The following CUL2 variants were observed in gnomAD, a reference collection of about 807,000 sequenced individuals.
CUL2 encodes the protein cullin 2.
A neutral mutation model predicts 110.2 loss-of-function variants in CUL2; 22 were observed. That is an observed-to-expected ratio of 0.20 (90% CI 0.14 to 0.28). CUL2 has a LOEUF of 0.28. CUL2 is among the 10% of genes least tolerant of loss of function. CUL2 has a pLI of 1.00. For synonymous variants in CUL2, 279 were observed against 293.2 expected, an observed-to-expected ratio of 0.95 and a Z score of 0.49; for missense variants, 631 against 905.5, an observed-to-expected ratio of 0.70 and a Z score of 3.89.
At chr10:35,016,703 G>C (rs549531737) in intron 17 of CUL2, among the ~76,000 whole-genome samples, 2 of 152,250 alleles carry the variant, frequency 1.3e-5, no homozygotes, top group Non-Finnish European at 2.9e-5. Context: ...GAGGCAGACA[G>C]ATCACTTTAG....
chr10:35,106,130 G>A (rs189059247), intron 1 of CUL2, among the ~76,000 whole-genome samples: 119 of 152,162 alleles, frequency 7.8e-4, no homozygotes, highest in Non-Finnish European at 1.2e-3. Context: ...TCAGGGTGGA[G>A]GTCTTCTGAA....
At chr10:35,013,097 T>C (rs1381781534) in intron 19 of CUL2, among the ~76,000 whole-genome samples, 3 of 152,064 alleles carry the variant, frequency 2.0e-5, no homozygotes, top group Non-Finnish European at 4.4e-5. Context: ...TCCCAGCACT[T>C]TGGCAGGCTG....
intron 2 of CUL2, among the ~76,000 whole-genome samples, chr10:35,069,107 T>C (rs1380610111): frequency 6.6e-6 from 1 of 152,128 alleles, no homozygotes; most frequent in Non-Finnish European, 1.5e-5. Flanking sequence ...GACCTCATAA[T>C]CCGCCTGCCT....
intron 1 of CUL2, among the ~76,000 whole-genome samples, chr10:35,116,674 T>A (rs1250890473): frequency 6.6e-6 from 1 of 152,118 alleles, no homozygotes; most frequent in Non-Finnish European, 1.5e-5. Flanking sequence ...TCAGTAAATA[T>A]TAGATGCTCT....
chr10:35,119,354 A>T (rs1352348902), intron 1 of CUL2, among the ~76,000 whole-genome samples: 1 of 152,006 alleles, frequency 6.6e-6, no homozygotes, highest in Non-Finnish European at 1.5e-5. Context: ...CCAACTCTCT[A>T]TTTCTGTGGA....
At position 35,038,991 on chromosome 10, in the gene CUL2, C is replaced by T. The variant is rs1205343426; in HGVS notation, c.806G>A (p.Arg269Gln). The T allele has an allele frequency of 2.5e-6, 4 of 1,609,742 alleles. No homozygotes were observed. Among genetic ancestry groups the T allele is most frequent in the East Asian group, 2.2e-5 (1 of 44,710 alleles). The change falls in exon 9 of 21, where the codon CGA becomes CAA. Residue 269 changes from arginine to glutamine, a missense_variant. Transcript: ENST00000374749. Reference sequence around the variant, plus strand: ...AAACTGTAAGTGGTCTGCTACCATTCGTTGTTGACATTCATGAATCACCTT... The same window carrying T: ...AAACTGTAAGTGGTCTGCTACCATTTGTTGTTGACATTCATGAATCACCTT... ...YTKVIHECQQ[R>Q]MVADHLQFLH...
upstream of CUL2, among the ~76,000 whole-genome samples, chr10:35,094,812 C>G (rs1488419695): frequency 6.6e-6 from 1 of 152,066 alleles, no homozygotes; most frequent in African/African-American, 2.4e-5. Flanking sequence ...AGTGAAATTA[C>G]TTCTTTTCCA....
chr10:35,116,909 A>G (rs1564759030), intron 1 of CUL2, among the ~76,000 whole-genome samples: 1 of 151,576 alleles, frequency 6.6e-6, no homozygotes. Flanking sequence ...GTGAGTCGAG[A>G]CTGTGCCACT....
chr10:35,124,777 C>T (rs1335648717), intron 1 of CUL2, among the ~76,000 whole-genome samples: 1 of 152,196 alleles, frequency 6.6e-6, no homozygotes, highest in Non-Finnish European at 1.5e-5. Context: ...AAAGAAATGA[C>T]ATCTAACTTA....
chr10:35,100,061 C>G (rs1231867708), intron 2 of CUL2, among the ~76,000 whole-genome samples: 2 of 151,906 alleles, frequency 1.3e-5, no homozygotes, highest in Non-Finnish European at 2.9e-5. Context: ...CTGTCTTGGC[C>G]TCCCAAAGTG....
chr10:35,059,863 A>C (rs1220773297), intron 4 of CUL2, among the ~76,000 whole-genome samples: 1 of 152,224 alleles, frequency 6.6e-6, no homozygotes, highest in Non-Finnish European at 1.5e-5. Flanking sequence ...TCTGTAAAAA[A>C]CAGAGATACT....
rs575673162 is a variant in CUL2, at chr10:35,016,159, G to T, written c.1887+33C>A. The stretch of plus-strand genomic sequence containing the variant: ...CTCATGAAAAAGCTTTAATGCTGAT[G>T]ATGCTTAAATTCTTTGGAATATTAC... On this transcript the variant is annotated intron_variant, in intron 18 of 20. Coordinates refer to ENST00000374749, the MANE Select transcript of CUL2 (RefSeq NM_003591.4). The T allele has an allele frequency of 6.4e-6, 10 of 1,551,648 alleles. No individual in the cohort carries two copies. The Admixed American group carries it at 1.0e-4, about 16-fold the overall frequency.
At chr10:35,039,678 A>C (rs1050339728) in intron 8 of CUL2, among the ~76,000 whole-genome samples, 16 of 152,186 alleles carry the variant, frequency 1.1e-4, no homozygotes, top group Non-Finnish European at 2.2e-4. Context: ...CAGCATGGCC[A>C]ATATGGCGAA....
intron 19 of CUL2, among the ~76,000 whole-genome samples, chr10:35,012,288 G>T (rs976037862): frequency 1.3e-5 from 2 of 152,032 alleles, no homozygotes; most frequent in Non-Finnish European, 2.9e-5. Context: ...TAGGGTTAAA[G>T]TTGAAAGATT....
intron 1 of CUL2, among the ~76,000 whole-genome samples, chr10:35,119,307 A>T (rs2087646233): frequency 6.6e-6 from 1 of 152,210 alleles, no homozygotes; most frequent in South Asian, 2.1e-4. Context: ...AAAAGGAGGT[A>T]AATACTAAAC....
chr10:35,044,525 T>C (rs2085885295), intron 8 of CUL2, 41 bp downstream of exon 8: 5 of 1,317,586 alleles, frequency 3.8e-6, no homozygotes, highest in Non-Finnish European at 5.3e-6. Context: ...CCAGGCCAGA[T>C]ACAAAATAGA....
At position 35,090,273 on chromosome 10, in the gene CUL2, A is replaced by AGGCGGCGGC. The variant is rs1003020566; in HGVS notation, c.-126_-118dup. On this transcript the variant is annotated 5_prime_UTR_variant, in exon 1 of 21. Transcript: ENST00000374749. ...AAGCCCCGGCGAGGAAGGTGGGCGG[A>AGGCGGCGGC]GGCGGCGGCGGCGGCGGCTGTCAGC... is the stretch of plus-strand genomic sequence containing the variant. 2 of 157,108 alleles carry AGGCGGCGGC rather than the reference A, an allele frequency of 1.3e-5. No homozygotes were observed. Among genetic ancestry groups the AGGCGGCGGC allele is most frequent in the Non-Finnish European group, 1.4e-5 (1 of 71,602 alleles). 9.7% of individuals were successfully genotyped at this position (157,108 alleles called of 1,614,324 possible).
At chr10:35,019,952 T>A (rs2085141586) in intron 17 of CUL2, among the ~76,000 whole-genome samples, 1 of 151,206 alleles carries the variant, frequency 6.6e-6, no homozygotes, top group South Asian at 2.1e-4. Context: ...GCCTCTACAA[T>A]GGAGATATCT....
intron 6 of CUL2, 78 bp from the exon 7 acceptor site, chr10:35,044,946 T>G: frequency 1.0e-6 from 1 of 971,468 alleles, no homozygotes; most frequent in South Asian, 1.4e-5. Flanking sequence ...TGCCAAAATA[T>G]GGCTCCTTAT....
Sources: gnomAD v4.1 joint callset for allele counts (sites outside exome capture counted in the v4.1 genomes callset) on GRCh38, gnomAD v4.1.1 for gene constraint, MANE v1.5 for transcripts, NCBI Gene and HGNC (gene_info 2026-07-23, HGNC 2026-07-21) for gene names.